The following SPEN variants were observed in gnomAD, a reference collection of about 807,000 sequenced individuals.
SPEN encodes spen family transcriptional repressor.
Under a neutral mutation model 269.9 loss-of-function variants are expected in SPEN, and 18 were observed. The observed-to-expected ratio is 0.07, with a 90% CI of 0.05 to 0.10. SPEN has a LOEUF of 0.10. Among genes scored for constraint, SPEN ranks in the 10% least tolerant of loss-of-function variants. The probability of loss-of-function intolerance (pLI) is 1.00; values close to 1 mark genes in which losing one functional copy is unlikely to be tolerated. For missense variants in SPEN, 3,822 were observed against 4,631.2 expected, an observed-to-expected ratio of 0.83 and a Z score of 5.07; for synonymous variants, 1,726 against 1,765.7, an observed-to-expected ratio of 0.98 and a Z score of 0.56.
Position 15,928,850 on chromosome 1 carries a change from C to T in SPEN, c.2610C>T (p.Asn870=). Residue 870 remains asparagine (N), a synonymous_variant, in exon 11 of 15, where the codon AAC becomes AAT. Coordinates refer to ENST00000375759, the MANE Select transcript of SPEN (RefSeq NM_015001.3). This position sits in a 1 kb window ranked among gnomAD's most constrained non-coding sequence, Gnocchi z 5.7. ...EKADKEGIAK[N]RLELMPCVVL... ...CTGACAAAGAGGGAATAGCGAAAAA[C>T]CGCCTGGAACTCATGCCTTGCGTGG... 6.2e-7 allele frequency: 1 copy of T among 1,614,088 alleles called. No individual in the cohort carries two copies. Among genetic ancestry groups the T allele is most frequent in the Non-Finnish European group, 8.5e-7 (1 of 1,179,986 alleles).
At position 15,928,791 on chromosome 1, in the gene SPEN, C is replaced by T. The variant is rs959267668; in HGVS notation, c.2551C>T (p.Pro851Ser). Residue 851 changes from proline (P) to serine (S), a missense_variant, in exon 11 of 15, where the codon CCC (proline) becomes TCC (serine). Pro to Ser is a moderately conservative substitution (Grantham distance 74). Around this residue, in one of 16 missense-constraint regions of SPEN, gnomAD observed 572 missense variants for 582.6 expected, o/e 0.98. Coordinates refer to ENST00000375759, the MANE Select transcript of SPEN (RefSeq NM_015001.3). This position sits in a 1 kb window ranked among gnomAD's most constrained non-coding sequence, Gnocchi z 5.7. Reference sequence around the variant, plus strand: ...TGAGCGAGAGCAAAGCCCTGAAAAGCCCAGGAGTTGTAATAAACTGAGCAG... The same window carrying T: ...TGAGCGAGAGCAAAGCCCTGAAAAGTCCAGGAGTTGTAATAAACTGAGCAG... ...ENEREQSPEK[P>S]RSCNKLSREK... 3.1e-6 allele frequency: 5 copies of T among 1,613,934 alleles called. No homozygotes were observed. The highest frequency in any genetic ancestry group is 4.2e-6 in the Non-Finnish European group (5 of 1,180,032).
At chr1:15,853,564 G>A (rs1309937676) in intron 1 of SPEN, among the ~76,000 whole-genome samples, 1 of 151,944 alleles carries the variant, frequency 6.6e-6, no homozygotes, top group African/African-American at 2.4e-5. Flanking sequence ...CTTGATCTCA[G>A]CTCACTGCAA....
At chr1:15,907,061 T>A (rs1014528602) in intron 3 of SPEN, among the ~76,000 whole-genome samples, 5 of 152,188 alleles carry the variant, frequency 3.3e-5, no homozygotes, top group African/African-American at 1.2e-4. Context: ...ACTAAGCCAC[T>A]GCACCCAGTC....
rs368251288 is a variant in SPEN, at chr1:15,928,072, C to G, written c.1851-19C>G. ...GATGAGGAAACAAAAGAACTAATAT[C>G]TTTGTTATTTTTTGGCAGAGAGGAA... On this transcript the variant is annotated intron_variant, in intron 10 of 14. Transcript: ENST00000375759. The surrounding 1 kb of genome is among the most constrained non-coding windows in gnomAD (Gnocchi z 5.7). 3 of 1,567,680 alleles carry G rather than the reference C, an allele frequency of 1.9e-6. No individual in the cohort carries two copies. Among genetic ancestry groups the G allele is most frequent in the Non-Finnish European group, 2.6e-6 (3 of 1,153,104 alleles).
rs537366263 is a variant in SPEN at position 15,856,179 on chromosome 1, A to T, written c.83+8029A>T. ...TAATTTTTTTGTATTTTTAGTAGAG[A>T]CGGGGTTTCACCATGTTAGCCAGCA... On this transcript the variant is annotated intron_variant, in intron 1 of 14. Transcript: ENST00000375759. Among the ~76,000 whole-genome samples the T allele has an allele frequency of 1.7e-3, 253 of 151,340 alleles. 1 individual carries two copies. The highest frequency in any genetic ancestry group is 6.8e-3 in the Middle Eastern group (2 of 294).
chr1:15,889,697 C>T (rs2070771266), intron 3 of SPEN, among the ~76,000 whole-genome samples: 2 of 152,082 alleles, frequency 1.3e-5, no homozygotes, highest in African/African-American at 4.8e-5. Context: ...ATTATGATAT[C>T]TCTATAGAAC....
At chr1:15,899,842 T>A (rs1202639493) in intron 3 of SPEN, among the ~76,000 whole-genome samples, 2 of 151,980 alleles carry the variant, frequency 1.3e-5, no homozygotes, top group African/African-American at 2.4e-5. Flanking sequence ...TTTATTTTTT[T>A]ATTTTATTTA....
chr1:15,894,681 C>T (rs1165705312), intron 3 of SPEN, among the ~76,000 whole-genome samples: 2 of 151,110 alleles, frequency 1.3e-5, no homozygotes, highest in Non-Finnish European at 2.9e-5. Context: ...GCTGGGATTA[C>T]AGACACGCGC....
intron 3 of SPEN, among the ~76,000 whole-genome samples, chr1:15,887,251 C>T (rs998472930): frequency 1.4e-5 from 2 of 146,674 alleles, no homozygotes; most frequent in African/African-American, 5.1e-5. Flanking sequence ...GCTGGGATTA[C>T]AGGTGTGAGC....
chr1:15,874,236 T>C, intron 2 of SPEN: 1 of 1,365,984 alleles, frequency 7.3e-7, no homozygotes, highest in Non-Finnish European at 9.8e-7. Flanking sequence ...TCACTAAGAT[T>C]TTTTTTTTCT....
chr1:15,869,452 T>C (rs528741236), intron 1 of SPEN, among the ~76,000 whole-genome samples: 1 of 152,344 alleles, frequency 6.6e-6, no homozygotes, highest in South Asian at 2.1e-4. Flanking sequence ...GTATTAATGT[T>C]ACTACATTAG....
chr1:15,882,532 C>T (rs1203313141), intron 3 of SPEN, among the ~76,000 whole-genome samples: 4 of 151,128 alleles, frequency 2.6e-5, no homozygotes, highest in African/African-American at 9.8e-5. Flanking sequence ...TAGTGGTGGG[C>T]GCCTGTAATC....
At chr1:15,925,218 T>C (rs2071154917) in intron 10 of SPEN, among the ~76,000 whole-genome samples, 1 of 152,204 alleles carries the variant, frequency 6.6e-6, no homozygotes, top group Non-Finnish European at 1.5e-5. Context: ...AACCTAGGGT[T>C]CCTACCTGCT....
At chr1:15,919,134 CT>C in intron 7 of SPEN, 83 bp downstream of exon 7, 1 of 1,219,674 alleles carries the variant, frequency 8.2e-7, no homozygotes, top group Non-Finnish European at 1.2e-6. Context: ...TTGCATATGC[CT>C]TATTATTTAA....
rs1369148819 is a variant in SPEN, at chr1:15,929,955, A to C, written c.3715A>C (p.Thr1239Pro). 1 of 1,614,146 alleles carries C rather than the reference A, an allele frequency of 6.2e-7. No individual in the cohort carries two copies. The highest frequency in any genetic ancestry group is 8.5e-7 in the Non-Finnish European group (1 of 1,180,048). The change falls in exon 11 of 15, where the codon ACC (threonine) becomes CCC (proline). Residue 1239 changes from threonine (T) to proline (P), a missense_variant. Physicochemically the swap from Thr to Pro is conservative, Grantham distance 38. Coordinates refer to ENST00000375759, the MANE Select transcript of SPEN (RefSeq NM_015001.3). This position sits in a 1 kb window ranked among gnomAD's most constrained non-coding sequence, Gnocchi z 5.8. ...RMDHVDFDIC[T>P]KRERNYRSSR... ...GGATCATGTCGATTTTGATATCTGC[A>C]CCAAGCGAGAACGGAATTACAGAAG...
chr1:15,865,595 T>C (rs936716578), intron 1 of SPEN, among the ~76,000 whole-genome samples: 2 of 151,122 alleles, frequency 1.3e-5, no homozygotes, highest in Non-Finnish European at 2.9e-5. Context: ...GCTAATTTTT[T>C]TGTATTTTAG....
intron 3 of SPEN, among the ~76,000 whole-genome samples, chr1:15,901,769 C>T (rs1179441064): frequency 2.6e-5 from 4 of 151,180 alleles, no homozygotes; most frequent in Non-Finnish European, 5.9e-5. Flanking sequence ...TTAAAACTTT[C>T]TAGGCTTGAC....
At chr1:15,859,358 C>CTTTTTTTTTTTTTTTTTTT (rs143092339) in intron 1 of SPEN, among the ~76,000 whole-genome samples, 7 of 115,588 alleles carry the variant, frequency 6.1e-5, no homozygotes, top group East Asian at 2.5e-4. Flanking sequence ...TTTTTCTTTT[C>CTTTTTTTTTTTTTTTTTTT]TTTTTTTTTT....
At chr1:15,862,111 T>A (rs2070454974) in intron 1 of SPEN, among the ~76,000 whole-genome samples, 1 of 152,174 alleles carries the variant, frequency 6.6e-6, no homozygotes, top group Non-Finnish European at 1.5e-5. Flanking sequence ...GAGGGACTCT[T>A]GATGTGGATT....
Sources: allele counts gnomAD v4.1 joint callset (sites outside exome capture counted in the v4.1 genomes callset), GRCh38; gene constraint gnomAD v4.1.1; regional missense constraint gnomAD v4.1.1; non-coding constraint Gnocchi (gnomAD v3.1); transcripts MANE v1.5; gene names NCBI Gene and HGNC (gene_info 2026-07-23, HGNC 2026-07-21).